Variants in RBM20 observed in about 807,000 individuals in gnomAD.
RBM20 encodes RNA-binding protein 20.
A neutral mutation model predicts 110.1 loss-of-function variants in RBM20; 51 were observed. The observed-to-expected ratio is 0.46, with a 90% CI of 0.37 to 0.59. The LOEUF is 0.59. Among genes scored for constraint, RBM20 ranks in the 20% least tolerant of loss-of-function variants. The pLI is 0.00. For missense variants in RBM20, 1,512 were observed against 1,574.9 expected, an observed-to-expected ratio of 0.96 and a Z score of 0.68; for synonymous variants, 589 against 618.2, an observed-to-expected ratio of 0.95 and a Z score of 0.70.
intron 1 of RBM20, among the ~76,000 whole-genome samples, chr10:110,767,244 T>C (rs1162889064): frequency 3.5e-4 from 28 of 80,824 alleles, no homozygotes; most frequent in East Asian, 8.4e-4. Flanking sequence ...CCGGACGGGG[T>C]GGCTGGCCGG....
At chr10:110,783,866 A>C (rs185151982) in intron 3 of RBM20, among the ~76,000 whole-genome samples, 126 of 152,352 alleles carry the variant, frequency 8.3e-4, no homozygotes, top group Middle Eastern at 3.4e-3. Context: ...TTACTCCAAA[A>C]GGAAACCTCA....
At chr10:110,795,448 A>C (rs1165852603) in intron 5 of RBM20, among the ~76,000 whole-genome samples, 1 of 152,214 alleles carries the variant, frequency 6.6e-6, no homozygotes, top group African/African-American at 2.4e-5. Context: ...GGAAAGAGGC[A>C]CTTGGGCTTC....
chr10:110,786,489 T>C (rs183714567), intron 5 of RBM20, among the ~76,000 whole-genome samples: 4 of 152,244 alleles, frequency 2.6e-5, no homozygotes, highest in East Asian at 3.9e-4. Context: ...TGTTTATTTG[T>C]GTGTGTTGAT....
intron 12 of RBM20, 137 bp downstream of exon 12, chr10:110,823,751 T>C: frequency 2.2e-6 from 2 of 916,870 alleles, no homozygotes; most frequent in Non-Finnish European, 3.4e-6. Context: ...AAGGTCTCAC[T>C]CTGTCACCCA....
chr10:110,745,647 A>G (rs1843771162), intron 1 of RBM20, among the ~76,000 whole-genome samples: 1 of 152,156 alleles, frequency 6.6e-6, no homozygotes, highest in Non-Finnish European at 1.5e-5. Flanking sequence ...AATAGCCATG[A>G]GCTTCTCAGG....
chr10:110,668,396 A>T (rs1415814993), intron 1 of RBM20, among the ~76,000 whole-genome samples: 1 of 152,194 alleles, frequency 6.6e-6, no homozygotes, highest in Non-Finnish European at 1.5e-5. Context: ...GGGAAAAACT[A>T]ACCAAACCAA....
intron 1 of RBM20, among the ~76,000 whole-genome samples, chr10:110,762,916 T>C (rs1844025705): frequency 6.6e-6 from 1 of 152,138 alleles, no homozygotes; most frequent in Non-Finnish European, 1.5e-5. Flanking sequence ...CCTGGCAGCT[T>C]GGGGAAACCT....
At chr10:110,726,413 T>A (rs1843560951) in intron 1 of RBM20, among the ~76,000 whole-genome samples, 2 of 152,174 alleles carry the variant, frequency 1.3e-5, no homozygotes, top group Non-Finnish European at 2.9e-5. Context: ...CTCTATTCAC[T>A]TGCCTGTCAC....
chr10:110,733,818 A>G (rs1051471325), intron 1 of RBM20, among the ~76,000 whole-genome samples: 3 of 152,204 alleles, frequency 2.0e-5, no homozygotes, highest in African/African-American at 7.2e-5. Flanking sequence ...AAAGCAAGGT[A>G]ATGGACATGT....
intron 1 of RBM20, among the ~76,000 whole-genome samples, chr10:110,770,661 T>C (rs914573852): frequency 1.3e-5 from 2 of 152,266 alleles, no homozygotes; most frequent in Non-Finnish European, 2.9e-5. Context: ...CCAACAGAAT[T>C]TTAATTCTTT....
rs1306432022 is a variant in RBM20, at chr10:110,695,033, A to G, written c.191+50388A>G. Among the ~76,000 whole-genome samples, 5 of 152,138 alleles carry G rather than the reference A, an allele frequency of 3.3e-5. No individual in the cohort carries two copies. In the East Asian group the frequency reaches 9.6e-4, roughly 29 times the overall value. On this transcript the variant is annotated intron_variant, in intron 1 of 13. Transcript: ENST00000369519. ...ATTTTGATTGACAGGGCAAAACTGA[A>G]TTTTTCAGATATTGTCACTTCAAAG...
Position 110,666,552 on chromosome 10 carries a change from A to G in RBM20, c.191+21907A>G, listed in dbSNP as rs543913040. On this transcript the variant is annotated intron_variant, in intron 1 of 13. Transcript: ENST00000369519. The stretch of plus-strand genomic sequence containing the variant: ...CCCCAGCTACTCAGGAGACTGAGGT[A>G]GGAGGATCATTTGAGCCCAGGAATT... 5.3e-5 allele frequency among the ~76,000 whole-genome samples: 8 copies of G among 152,324 alleles called. No individual in the cohort carries two copies. The East Asian group carries it at 1.5e-3, about 29-fold the overall frequency.
At chr10:110,711,827 T>C (rs1862934478) in intron 1 of RBM20, among the ~76,000 whole-genome samples, 1 of 152,236 alleles carries the variant, frequency 6.6e-6, no homozygotes, top group South Asian at 2.1e-4. Context: ...TTTGCAAATG[T>C]GCTCTCTTCC....
At position 110,837,494 on chromosome 10, in the gene RBM20, C is replaced by T. The variant is rs1010554824; in HGVS notation, c.*1516C>T. The stretch of plus-strand genomic sequence containing the variant: ...AAACAAGGAAGACAGGTCACTCTCC[C>T]CTAGGCAGTTCCTGTTGTTTCTGTT... On this transcript the variant is annotated 3_prime_UTR_variant, in exon 14 of 14. Transcript: ENST00000369519. 1.3e-5 allele frequency: 2 copies of T among 152,214 alleles called. No individual in the cohort carries two copies. The highest frequency in any genetic ancestry group is 3.8e-4 in the East Asian group (2 of 5,200). The allele number at this position is 152,214 out of a possible 1,614,324, so 9.4% of individuals were successfully genotyped here.
intron 1 of RBM20, among the ~76,000 whole-genome samples, chr10:110,726,579 G>C (rs1843562716): frequency 6.6e-6 from 1 of 152,178 alleles, no homozygotes; most frequent in South Asian, 2.1e-4. Flanking sequence ...TGTCTGTGAG[G>C]TGGGACTAAC....
At chr10:110,698,502 G>C (rs936755632) in intron 1 of RBM20, among the ~76,000 whole-genome samples, 1 of 152,176 alleles carries the variant, frequency 6.6e-6, no homozygotes, top group East Asian at 1.9e-4. Flanking sequence ...CTGTGAGGAG[G>C]GTGCAGAAAC....
chr10:110,784,542 A>T, intron 4 of RBM20, 110 bp downstream of exon 4: 1 of 855,994 alleles, frequency 1.2e-6, no homozygotes, highest in Non-Finnish European at 1.9e-6. Context: ...CTTCTCACGG[A>T]TGTAGAAAGC....
At chr10:110,703,029 C>T (rs1468949158) in intron 1 of RBM20, among the ~76,000 whole-genome samples, 1 of 142,952 alleles carries the variant, frequency 7.0e-6, no homozygotes, top group Non-Finnish European at 1.5e-5. Context: ...GGCTTAATAC[C>T]TTTCTAACTG....
intron 1 of RBM20, among the ~76,000 whole-genome samples, chr10:110,720,713 G>C (rs1187888371): frequency 1.3e-5 from 2 of 149,806 alleles, no homozygotes. Flanking sequence ...CCTGCAGCCT[G>C]CTCTCCTAAC....
Sources: allele counts gnomAD v4.1 joint callset (sites outside exome capture counted in the v4.1 genomes callset), GRCh38; gene constraint gnomAD v4.1.1; transcripts MANE v1.5; gene names NCBI Gene and HGNC (gene_info 2026-07-23, HGNC 2026-07-21).